DNMT3A: variants seen among roughly 807,000 people sequenced by gnomAD.
The protein encoded by DNMT3A is DNA (cytosine-5)-methyltransferase 3A.
DNMT3A carries 267 observed loss-of-function variants against 117.6 expected under a neutral mutation model. The ratio of observed to expected loss-of-function variants is 2.27; its 90% CI spans 2.05 to 2.51. The LOEUF is 2.51. DNMT3A is among the 30% of genes most tolerant of loss of function. DNMT3A has a pLI of 0.00. For missense variants in DNMT3A, 1,029 were observed against 1,260.2 expected, an observed-to-expected ratio of 0.82 and a Z score of 2.78; for synonymous variants, 432 against 474.8, an observed-to-expected ratio of 0.91 and a Z score of 1.17.
At chr2:25,300,644 TTTAG>T (rs1376800570) in intron 2 of DNMT3A, among the ~76,000 whole-genome samples, 873 of 79,902 alleles carry the variant, frequency 0.011, 42 homozygotes, top group Non-Finnish European at 0.018. Context: ...TAATATATTA[TTTAG>T]ATATCTAAAT....
rs1007366020 is a variant in DNMT3A at position 25,255,164 on chromosome 2, T to A, written c.640-6912A>T. On this transcript the variant is annotated intron_variant, in intron 6 of 22. Transcript: ENST00000321117. ...AAACAGAGATGTGTCTTCTTTGTGG[T>A]CAATGCACAGTCAGACCCCAAAGCA... is the stretch of plus-strand genomic sequence containing the variant. Among the ~76,000 whole-genome samples, 3 of 152,294 alleles carry A rather than the reference T, an allele frequency of 2.0e-5. No homozygotes were observed. In the South Asian group the frequency reaches 6.2e-4, roughly 32 times the overall value.
At position 25,341,650 on chromosome 2, in the gene DNMT3A, C is replaced by G. The variant is rs1381519629; in HGVS notation, c.-178+176G>C. On this transcript the variant is annotated intron_variant, in intron 1 of 22. Coordinates refer to ENST00000321117, the MANE Select transcript of DNMT3A (RefSeq NM_022552.5). Reference sequence around the variant, plus strand: ...ATCCCCCGCGCCGCCCCGGCCAGCCCGGCCCGCCGTCCCCGCCTGCAGTCC... The same window carrying G: ...ATCCCCCGCGCCGCCCCGGCCAGCCGGGCCCGCCGTCCCCGCCTGCAGTCC... 5.4e-5 allele frequency among the ~76,000 whole-genome samples: 8 copies of G among 147,008 alleles called. No individual in the cohort carries two copies. In the South Asian group the frequency reaches 1.5e-3, roughly 27 times the overall value.
chr2:25,238,314 T>A (rs1047078401), intron 20 of DNMT3A, among the ~76,000 whole-genome samples: 1 of 152,006 alleles, frequency 6.6e-6, no homozygotes, highest in Non-Finnish European at 1.5e-5. Context: ...ATGGGGAAGG[T>A]CCTACAACCT....
intron 1 of DNMT3A, among the ~76,000 whole-genome samples, chr2:25,335,432 G>A (rs1222444399): frequency 6.6e-6 from 1 of 152,046 alleles, no homozygotes; most frequent in Non-Finnish European, 1.5e-5. Flanking sequence ...GGGACACTCC[G>A]AAGGCCTCCT....
intron 2 of DNMT3A, among the ~76,000 whole-genome samples, chr2:25,303,282 T>C (rs2033614208): frequency 6.6e-6 from 1 of 152,210 alleles, no homozygotes; most frequent in Admixed American, 6.5e-5. Flanking sequence ...ATAAAGACGC[T>C]TGACATTTCA....
In DNMT3A at chr2:25,311,386, C is replaced by T. The variant is rs2149424795; in HGVS notation, c.72+2527G>A. Among the ~76,000 whole-genome samples the T allele has an allele frequency of 6.6e-6, 1 of 152,358 alleles. No homozygotes were observed. The highest frequency in any genetic ancestry group is 2.1e-4 in the South Asian group (1 of 4,832). On this transcript the variant is annotated intron_variant, in intron 2 of 22. Transcript: ENST00000321117. This position sits in a 1 kb window ranked among gnomAD's most constrained non-coding sequence, Gnocchi z 5.2. ...TGGTGGCTGTCAGTGTCTCTCCCCA[C>T]CCTCCCTGGGCGGCTCCCTGGAGGT...
At chr2:25,270,284 G>C (rs2030750625) in intron 6 of DNMT3A, among the ~76,000 whole-genome samples, 1 of 152,206 alleles carries the variant, frequency 6.6e-6, no homozygotes, top group African/African-American at 2.4e-5. Context: ...CACCCCTGCT[G>C]ATGCGTAGAT....
At chr2:25,279,550 G>A (rs565519587) in intron 4 of DNMT3A, among the ~76,000 whole-genome samples, 8 of 152,260 alleles carry the variant, frequency 5.3e-5, no homozygotes, top group African/African-American at 1.9e-4. Context: ...CACCCCGCGA[G>A]GTAACATCTC....
chr2:25,251,214 G>T (rs1675513477), intron 6 of DNMT3A, among the ~76,000 whole-genome samples: 3 of 150,872 alleles, frequency 2.0e-5, no homozygotes, highest in Admixed American at 1.3e-4. Context: ...AGCCGGAGCT[G>T]GGTGGGGGAG....
chr2:25,275,068 C>A lies in DNMT3A; in HGVS notation c.512G>T (p.Arg171Leu). 1 of 1,594,334 alleles carries A rather than the reference C, an allele frequency of 6.3e-7. No individual in the cohort carries two copies. The highest frequency in any genetic ancestry group is 8.5e-7 in the Non-Finnish European group (1 of 1,170,748). The change falls in exon 6 of 23, where the codon CGG becomes CTG. Residue 171 changes from arginine (R) to leucine (L), a missense_variant. Arg to Leu is a moderately radical substitution (Grantham distance 102). Coordinates refer to ENST00000321117, the MANE Select transcript of DNMT3A (RefSeq NM_022552.5). ...MKMEGSRGRL[R>L]GGLGWESSLR... ...GCTGGACTCCCAGCCCAAGCCACCC[C>A]GCAGCCGGCCCCGGGAGCCCTAGGA... is the stretch of plus-strand genomic sequence containing the variant.
chr2:25,301,005 T>C (rs559105180), intron 2 of DNMT3A, among the ~76,000 whole-genome samples: 36 of 151,104 alleles, frequency 2.4e-4, no homozygotes, highest in Admixed American at 2.3e-3. Context: ...GCATGGTGGC[T>C]CACGCCTATG....
chr2:25,229,305 T>C lies in DNMT3A; in HGVS notation c.*4974A>G, dbSNP rs1672783722. 1.3e-5 allele frequency: 2 copies of C among 152,312 alleles called. No homozygotes were observed. The highest frequency in any genetic ancestry group is 6.5e-5 in the Admixed American group (1 of 15,288). The allele number at this position is 152,312 out of a possible 1,614,324, so 9.4% of individuals were successfully genotyped here. A position where few individuals can be genotyped will look rare whatever the true frequency, so the allele number is the denominator to read the frequency against. Reference sequence around the variant, plus strand: ...CCTGGTAAGGAGGCGGCTGACACTTTCCTTAATCCTGGCTCAGCAGGGCAT... The same window carrying C: ...CCTGGTAAGGAGGCGGCTGACACTTCCCTTAATCCTGGCTCAGCAGGGCAT... On this transcript the variant is annotated 3_prime_UTR_variant, in exon 23 of 23. Coordinates refer to ENST00000321117, the MANE Select transcript of DNMT3A (RefSeq NM_022552.5).
At chr2:25,300,099 G>A in intron 3 of DNMT3A, 40 bp downstream of exon 3, 1 of 1,599,470 alleles carries the variant, frequency 6.3e-7, no homozygotes, top group African/African-American at 1.3e-5. Context: ...CGTGTGTGTT[G>A]TGTGTGTGCA....
chr2:25,256,642 C>T (rs1397729467), intron 6 of DNMT3A, among the ~76,000 whole-genome samples: 2 of 152,100 alleles, frequency 1.3e-5, no homozygotes, highest in Non-Finnish European at 2.9e-5. Context: ...GTTCTTTTGA[C>T]AGTGCTGCCC....
rs1014590658 is a variant in DNMT3A, at chr2:25,252,985, A to G, written c.640-4733T>C. 2.0e-5 allele frequency among the ~76,000 whole-genome samples: 3 copies of G among 152,142 alleles called. No individual in the cohort carries two copies. Among genetic ancestry groups the G allele is most frequent in the African/African-American group, 4.8e-5 (2 of 41,436 alleles). ...GTGAGGAGGTCAGGCTTCGAGTCCC[A>G]GGGCCCCTGCGTCACTCTGGGCCTT... On this transcript the variant is annotated intron_variant, in intron 6 of 22. Transcript: ENST00000321117. This position sits in a 1 kb window ranked among gnomAD's most constrained non-coding sequence, Gnocchi z 5.5.
rs373047419 is a variant in DNMT3A, at chr2:25,268,083, C to T, written c.639+6858G>A. Among the ~76,000 whole-genome samples the T allele has an allele frequency of 1.6e-4, 25 of 152,278 alleles. No individual in the cohort carries two copies. In the South Asian group the frequency reaches 4.6e-3, roughly 28 times the overall value. On this transcript the variant is annotated intron_variant, in intron 6 of 22. Transcript: ENST00000321117. ...CATGAAGGCTCTGCTATCTGCTGGG[C>T]AGCCCTGGGCGGAGGGAGTGGGTTG... is the stretch of plus-strand genomic sequence containing the variant.
chr2:25,243,959 A>G lies in DNMT3A; in HGVS notation c.1875T>C (p.Pro625=). The change falls in exon 16 of 23, where the codon CCT becomes CCC. Residue 625 remains proline, a synonymous_variant. Coordinates refer to ENST00000321117, the MANE Select transcript of DNMT3A (RefSeq NM_022552.5). ...QEFDPPKVYP[P]VPAEKRKPIR... Reference sequence around the variant, plus strand: ...TGGGCTTCCTCTTCTCAGCTGGGACAGGTGGGTAAACCTTTGGAGGGTCCT... The same window carrying G: ...TGGGCTTCCTCTTCTCAGCTGGGACGGGTGGGTAAACCTTTGGAGGGTCCT... 6.4e-7 allele frequency: 1 copy of G among 1,553,564 alleles called. No individual in the cohort carries two copies. The highest frequency in any genetic ancestry group is 1.2e-5 in the South Asian group (1 of 84,214).
intron 16 of DNMT3A, 23 bp from the exon 17 acceptor site, chr2:25,241,730 C>T (rs748954337): frequency 1.2e-6 from 2 of 1,611,414 alleles, no homozygotes; most frequent in Non-Finnish European, 1.7e-6. Flanking sequence ...GCAGACAGCA[C>T]CGTTACTTGG....
In DNMT3A at chr2:25,237,084, C is replaced by G; in HGVS notation, c.2409-79G>C. ...GGCCCCAGCTGCACGACTCCCCTCC[C>G]TCCCCCAGCAGCCACTAGTTCACAG... On this transcript the variant is annotated intron_variant, in intron 20 of 22. Transcript: ENST00000321117. The surrounding 1 kb of genome is among the most constrained non-coding windows in gnomAD (Gnocchi z 5.4). 2 of 1,433,376 alleles carry G rather than the reference C, an allele frequency of 1.4e-6. No homozygotes were observed. The highest frequency in any genetic ancestry group is 1.9e-6 in the Non-Finnish European group (2 of 1,035,790). The allele number at this position is 1,433,376 out of a possible 1,614,324, so 88.8% of individuals were successfully genotyped here.
Sources: allele counts gnomAD v4.1 joint callset (sites outside exome capture counted in the v4.1 genomes callset), GRCh38; gene constraint gnomAD v4.1.1; non-coding constraint Gnocchi (gnomAD v3.1); transcripts MANE v1.5; gene names NCBI Gene and HGNC (gene_info 2026-07-23, HGNC 2026-07-21).